The following CHMP4B variants were observed in gnomAD, a reference collection of about 807,000 sequenced individuals.
CHMP4B encodes the protein charged multivesicular body protein 4B.
In CHMP4B, 1 loss-of-function variant was observed where a neutral mutation model predicts 25.1. The observed-to-expected ratio is 0.04, with a 90% CI of 0.01 to 0.19. The LOEUF is 0.19. Ranked by LOEUF, CHMP4B falls within the 10% of genes least tolerant of loss-of-function variation. The pLI is 1.00. For missense variants in CHMP4B, 151 were observed against 289.7 expected (o/e 0.52, Z 3.48); for synonymous variants, 101 against 115.6 (o/e 0.87, Z 0.81).
intron 1 of CHMP4B, among the ~76,000 whole-genome samples, chr20:33,815,293 A>C (rs1978753558): frequency 6.6e-6 from 1 of 152,232 alleles, no homozygotes; most frequent in African/African-American, 2.4e-5. Context: ...CATTATTACA[A>C]GGAGACTTGC....
chr20:33,830,933 G>GTTGTTTTTTTTT (rs746793442), intron 1 of CHMP4B, among the ~76,000 whole-genome samples: 65 of 102,568 alleles, frequency 6.3e-4, no homozygotes, highest in African/African-American at 2.3e-3. Context: ...AAGGAACAGA[G>GTTGTTTTTTTTT]TTTTTTTTTT....
chr20:33,812,406 A>G (rs1435967577), intron 1 of CHMP4B, among the ~76,000 whole-genome samples: 1 of 151,890 alleles, frequency 6.6e-6, no homozygotes, highest in Middle Eastern at 3.2e-3. Flanking sequence ...CCGCTTCCCC[A>G]TCCGTCTGAA....
chr20:33,835,830 G>A lies in CHMP4B; in HGVS notation c.191-12637G>A, dbSNP rs987344082. ...CATCCACTCATGGTGGAAGGCGAAG[G>A]GGAGCTTATGTGTGTGGCGAGAGAG... On this transcript the variant is annotated intron_variant, in intron 1 of 4. Transcript: ENST00000217402. Among the ~76,000 whole-genome samples, 11 of 152,320 alleles carry A rather than the reference G, an allele frequency of 7.2e-5. No homozygotes were observed. The South Asian group carries it at 1.9e-3, about 26-fold the overall frequency.
chr20:33,820,994 T>C (rs1400916195), intron 1 of CHMP4B, among the ~76,000 whole-genome samples: 1 of 152,252 alleles, frequency 6.6e-6, no homozygotes, highest in East Asian at 1.9e-4. Flanking sequence ...ATTCAGTTAA[T>C]GATTCAGTTA....
At chr20:33,841,178 T>C (rs1355239859) in intron 1 of CHMP4B, among the ~76,000 whole-genome samples, 1 of 152,238 alleles carries the variant, frequency 6.6e-6, no homozygotes, top group Non-Finnish European at 1.5e-5. Flanking sequence ...TCTAGAATTT[T>C]CCCTTGCAGT....
intron 1 of CHMP4B, among the ~76,000 whole-genome samples, chr20:33,818,088 G>A (rs1184767237): frequency 6.6e-6 from 1 of 152,216 alleles, no homozygotes; most frequent in Non-Finnish European, 1.5e-5. Flanking sequence ...TTATGAGGAT[G>A]TGGAATAAGT....
chr20:33,837,608 T>C (rs1979426347), intron 1 of CHMP4B, among the ~76,000 whole-genome samples: 1 of 152,154 alleles, frequency 6.6e-6, no homozygotes, highest in Non-Finnish European at 1.5e-5. Flanking sequence ...TAACTATAGT[T>C]ACCTTTGCTT....
intron 1 of CHMP4B, among the ~76,000 whole-genome samples, chr20:33,830,623 A>G (rs1448233679): frequency 2.0e-5 from 3 of 151,988 alleles, no homozygotes; most frequent in Non-Finnish European, 4.4e-5. Context: ...CTCTCTTCCT[A>G]TAAGGCTAAT....
At chr20:33,832,710 A>G (rs1979285634) in intron 1 of CHMP4B, among the ~76,000 whole-genome samples, 1 of 151,904 alleles carries the variant, frequency 6.6e-6, no homozygotes, top group Admixed American at 6.6e-5. Flanking sequence ...AGACACGCCC[A>G]TGTATGAATG....
rs1303559577 is a variant in CHMP4B at position 33,827,316 on chromosome 20, G to A, written c.190+15658G>A. Among the ~76,000 whole-genome samples, 8 of 152,242 alleles carry A rather than the reference G, an allele frequency of 5.3e-5. No homozygotes were observed. The South Asian group carries it at 1.2e-3, about 24-fold the overall frequency. On this transcript the variant is annotated intron_variant, in intron 1 of 4. Coordinates refer to ENST00000217402, the MANE Select transcript of CHMP4B (RefSeq NM_176812.5). ...AAATGAGTGCTGAGATTTCTCTGCT[G>A]TAACATTCTGTTAGTCAACAAGTGC...
At chr20:33,840,755 A>G (rs1331551986) in intron 1 of CHMP4B, among the ~76,000 whole-genome samples, 1 of 152,182 alleles carries the variant, frequency 6.6e-6, no homozygotes. Flanking sequence ...CTATCAAAAT[A>G]GGATCTGGGA....
rs1979919515 is a variant in CHMP4B at position 33,853,621 on chromosome 20, G to A, written c.*61G>A. On this transcript the variant is annotated 3_prime_UTR_variant, in exon 5 of 5. Transcript: ENST00000217402. ...GGTGGCCTGCGCAGCGAGCAGGCGT[G>A]TGCGTGTGTGGGGCAGGCAGGATGT... is the stretch of plus-strand genomic sequence containing the variant. 7 of 1,449,592 alleles carry A rather than the reference G, an allele frequency of 4.8e-6. No homozygotes were observed. Among genetic ancestry groups the A allele is most frequent in the Middle Eastern group, 1.7e-4 (1 of 5,754 alleles). 89.8% of individuals were successfully genotyped at this position (1,449,592 alleles called of 1,614,324 possible). A position where few individuals can be genotyped will look rare whatever the true frequency, so the allele number is the denominator to read the frequency against.
chr20:33,819,967 A>G (rs972891576), intron 1 of CHMP4B, among the ~76,000 whole-genome samples: 2 of 151,956 alleles, frequency 1.3e-5, no homozygotes, highest in Admixed American at 6.6e-5. Flanking sequence ...GGAGATCGAG[A>G]CCATCCTGGC....
intron 4 of CHMP4B, 52 bp downstream of exon 4, chr20:33,852,255 T>A (rs184735204): frequency 1.9e-6 from 3 of 1,609,856 alleles, no homozygotes; most frequent in African/African-American, 1.3e-5. Flanking sequence ...GCAGGTGATC[T>A]TGTGGTCGGT....
chr20:33,817,763 G>C (rs950189296), intron 1 of CHMP4B, among the ~76,000 whole-genome samples: 1 of 152,154 alleles, frequency 6.6e-6, no homozygotes, highest in African/African-American at 2.4e-5. Flanking sequence ...GAGGATATTA[G>C]AAAACAACTT....
At chr20:33,817,112 G>A (rs1978803082) in intron 1 of CHMP4B, among the ~76,000 whole-genome samples, 1 of 152,190 alleles carries the variant, frequency 6.6e-6, no homozygotes, top group Admixed American at 6.5e-5. Flanking sequence ...GTGTCTTAAT[G>A]GCGCATGTGC....
chr20:33,841,203 C>T (rs1979532506), intron 1 of CHMP4B, among the ~76,000 whole-genome samples: 1 of 152,180 alleles, frequency 6.6e-6, no homozygotes, highest in South Asian at 2.1e-4. Flanking sequence ...ACTGTACTCC[C>T]TATGTGTTTG....
At chr20:33,834,471 C>CT (rs554165645) in intron 1 of CHMP4B, among the ~76,000 whole-genome samples, 182 of 152,224 alleles carry the variant, frequency 1.2e-3, no homozygotes, top group African/African-American at 4.1e-3. Flanking sequence ...CTGCCACCGA[C>CT]TAATTTTTGA....
rs1212766142 is a variant in CHMP4B, at chr20:33,848,486, G to A, written c.210G>A (p.Lys70=). The A allele has an allele frequency of 6.2e-7, 1 of 1,614,216 alleles. No individual in the cohort carries two copies. Among genetic ancestry groups the A allele is most frequent in the South Asian group, 1.1e-5 (1 of 91,090 alleles). ...ACGCAGCGGCCCTCCAGGCACTGAA[G>A]CGTAAGAAGAGGTATGAGAAGCAGC... ...KNKRAALQAL[K]RKKRYEKQLA... The change falls in exon 2 of 5, where the codon AAG becomes AAA. Residue 70 remains lysine, a synonymous_variant. Transcript: ENST00000217402.
Sources: gnomAD v4.1 joint callset for allele counts (sites outside exome capture counted in the v4.1 genomes callset) on GRCh38, gnomAD v4.1.1 for gene constraint, MANE v1.5 for transcripts, NCBI Gene and HGNC (gene_info 2026-07-23, HGNC 2026-07-21) for gene names.